NOX4: variants seen among roughly 807,000 people sequenced by gnomAD.
NOX4 encodes the protein NADPH oxidase 4, also known as kidney oxidase-1.
In NOX4, 69 loss-of-function variants were observed where a neutral mutation model predicts 87.6. That is an observed-to-expected ratio of 0.79 (90% CI 0.65 to 0.96). NOX4 has a LOEUF of 0.96. Among genes scored for constraint, NOX4 ranks in the 40% least tolerant of loss-of-function variants. The pLI, the probability that NOX4 is intolerant of heterozygous loss-of-function variation, is 0.00. For synonymous variants in NOX4, 275 were observed against 238.2 expected (o/e 1.15, Z -1.42); for missense variants, 680 against 681.5 (o/e 1.00, Z 0.02).
At chr11:89,528,240 A>G in the NOX4 span, among the ~76,000 whole-genome samples, 1 of 152,134 alleles carries the variant, frequency 6.6e-6, no homozygotes, top group Non-Finnish European at 1.5e-5. Flanking sequence ...TCTAGGAAGT[A>G]ACTACCTTGC....
At chr11:89,399,432 AATATAT>A (rs1208007737) in intron 11 of NOX4, among the ~76,000 whole-genome samples, 1,747 of 75,628 alleles carry the variant, frequency 0.023, 35 homozygotes, top group African/African-American at 0.04. Flanking sequence ...CAAGAAATTA[AATATAT>A]ATATATATAT....
chr11:89,386,621 G>T (rs773172216), intron 11 of NOX4, among the ~76,000 whole-genome samples: 8 of 151,930 alleles, frequency 5.3e-5, no homozygotes, highest in Non-Finnish European at 8.8e-5. Context: ...ACAATTGCTG[G>T]CTTTGCATTT....
the NOX4 span, among the ~76,000 whole-genome samples, chr11:89,530,433 C>G: frequency 1.3e-5 from 2 of 151,170 alleles, no homozygotes; most frequent in Non-Finnish European, 2.9e-5. Flanking sequence ...ACCTCCACCT[C>G]CTGGATTCAA....
the NOX4 span, among the ~76,000 whole-genome samples, chr11:89,564,622 G>A: frequency 1.3e-5 from 2 of 152,218 alleles, no homozygotes; most frequent in Admixed American, 6.5e-5. Flanking sequence ...ATAAGGTGGA[G>A]CTTGTTTGTT....
the NOX4 span, among the ~76,000 whole-genome samples, chr11:89,566,608 G>T: frequency 6.6e-6 from 1 of 152,106 alleles, no homozygotes; most frequent in Non-Finnish European, 1.5e-5. Context: ...AAAAGCGAGA[G>T]GAGCCAAGAT....
At chr11:89,377,126 G>T (rs1397089479) in intron 11 of NOX4, among the ~76,000 whole-genome samples, 1 of 152,122 alleles carries the variant, frequency 6.6e-6, no homozygotes, top group African/African-American at 2.4e-5. Flanking sequence ...TCTCATTGAA[G>T]AGATTTATAT....
upstream of NOX4, among the ~76,000 whole-genome samples, chr11:89,501,538 C>G (rs559785088): frequency 1.3e-4 from 19 of 151,960 alleles, no homozygotes; most frequent in Non-Finnish European, 2.2e-4. Context: ...TGATTGGAAG[C>G]AAATAAGCAA....
chr11:89,334,390 C>T (rs1007440734), intron 17 of NOX4, among the ~76,000 whole-genome samples: 1 of 151,738 alleles, frequency 6.6e-6, no homozygotes, highest in African/African-American at 2.4e-5. Flanking sequence ...AAAACTACTT[C>T]ATCAAGGGAA....
chr11:89,493,726 TATTATTATTATTA>T (rs1565357814), upstream of NOX4, among the ~76,000 whole-genome samples: 9 of 106,308 alleles, frequency 8.5e-5, no homozygotes, highest in East Asian at 2.6e-3. Flanking sequence ...ATTGTTTTAT[TATTATTATTATTA>T]TTATTATTAT....
the NOX4 span, among the ~76,000 whole-genome samples, chr11:89,583,502 T>C: frequency 6.6e-6 from 1 of 152,182 alleles, no homozygotes; most frequent in Admixed American, 6.5e-5. Context: ...AAATCTTTAT[T>C]GCTTCCATTC....
intron 16 of NOX4, among the ~76,000 whole-genome samples, chr11:89,337,091 G>C (rs924930489): frequency 1.3e-4 from 20 of 151,898 alleles, no homozygotes; most frequent in Non-Finnish European, 2.2e-4. Context: ...AGTTTTCTTT[G>C]TCTAGAAATA....
chr11:89,506,173 A>G, the NOX4 span, among the ~76,000 whole-genome samples: 1 of 151,426 alleles, frequency 6.6e-6, no homozygotes, highest in South Asian at 2.1e-4. Context: ...TAGTCTTCCT[A>G]ATAACAGTTT....
At position 89,400,167 on chromosome 11, in the gene NOX4, T is replaced by A. The variant is rs761936284; in HGVS notation, c.1011+48A>T. ...TGCTATGTTTGCTAAATTCCAAAAATTACATAAGGATAAAGGCTATTTAAA... is the reference window on the plus strand; with the variant it reads ...TGCTATGTTTGCTAAATTCCAAAAAATACATAAGGATAAAGGCTATTTAAA... On this transcript the variant is annotated intron_variant, in intron 10 of 17. Transcript: ENST00000263317. 8 of 1,588,638 alleles carry A rather than the reference T, an allele frequency of 5.0e-6. No homozygotes were observed. In the East Asian group the frequency reaches 1.8e-4, roughly 36 times the overall value.
intron 12 of NOX4, among the ~76,000 whole-genome samples, chr11:89,365,615 A>G (rs1372253438): frequency 6.6e-6 from 1 of 151,826 alleles, no homozygotes; most frequent in Non-Finnish European, 1.5e-5. Flanking sequence ...GTTGGCTTTC[A>G]TCAAAAGAAA....
chr11:89,382,050 T>C (rs317179), intron 11 of NOX4, among the ~76,000 whole-genome samples: 86,288 of 151,992 alleles, frequency 0.57, 26,357 homozygotes, highest in African/African-American at 0.79. Flanking sequence ...GGGACACCTG[T>C]CTGATTATTC....
At chr11:89,583,078 C>G in the NOX4 span, among the ~76,000 whole-genome samples, 1 of 152,164 alleles carries the variant, frequency 6.6e-6, no homozygotes, top group Non-Finnish European at 1.5e-5. Context: ...AATAACACCA[C>G]TTCTTTTATT....
At chr11:89,359,780 T>C (rs1169560541) in intron 12 of NOX4, among the ~76,000 whole-genome samples, 1 of 152,030 alleles carries the variant, frequency 6.6e-6, no homozygotes, top group African/African-American at 2.4e-5. Context: ...ATGAATATTT[T>C]AACTGTTTTG....
At chr11:89,516,720 T>G in the NOX4 span, among the ~76,000 whole-genome samples, 1 of 152,024 alleles carries the variant, frequency 6.6e-6, no homozygotes, top group Non-Finnish European at 1.5e-5. Flanking sequence ...ATATTTTGGG[T>G]CTTACTCCTG....
At chr11:89,340,962 T>C (rs1038870791) in intron 14 of NOX4, among the ~76,000 whole-genome samples, 1 of 152,104 alleles carries the variant, frequency 6.6e-6, no homozygotes, top group African/African-American at 2.4e-5. Context: ...TATTGCTTTT[T>C]TGGTTCTGCA....
Sources: allele counts gnomAD v4.1 joint callset (sites outside exome capture counted in the v4.1 genomes callset), GRCh38; gene constraint gnomAD v4.1.1; transcripts MANE v1.5; gene names NCBI Gene and HGNC (gene_info 2026-07-23, HGNC 2026-07-21).